Variants in SUSD4 observed in about 807,000 individuals in gnomAD.
SUSD4 encodes the protein sushi domain containing 4.
In SUSD4, 41 loss-of-function variants were observed where a neutral mutation model predicts 50.5. That is an observed-to-expected ratio of 0.81 (90% CI 0.63 to 1.05). The LOEUF is 1.05. Among genes scored for constraint, SUSD4 ranks in the 50% least tolerant of loss-of-function variants. The probability of loss-of-function intolerance (pLI) is 0.00; values close to 1 mark genes in which losing one functional copy is unlikely to be tolerated. For missense variants in SUSD4, 580 were observed against 634.7 expected, an observed-to-expected ratio of 0.91 and a Z score of 0.93; for synonymous variants, 257 against 257.3, an observed-to-expected ratio of 1.00 and a Z score of 0.01.
At chr1:223,349,805 C>T (rs538153574) in intron 2 of SUSD4, among the ~76,000 whole-genome samples, 2 of 152,342 alleles carry the variant, frequency 1.3e-5, no homozygotes, top group South Asian at 4.1e-4. Flanking sequence ...GGATTCCTTA[C>T]AGCACCTTTT....
At chr1:223,225,417 G>A (rs1015731091) in intron 7 of SUSD4, among the ~76,000 whole-genome samples, 73 of 152,180 alleles carry the variant, frequency 4.8e-4, no homozygotes, top group African/African-American at 1.3e-3. Flanking sequence ...GATTATGGTG[G>A]TGGACTCCTT....
In SUSD4 at chr1:223,252,236, A is replaced by AAATATATAT. The variant is rs1343732568; in HGVS notation, c.724+12393_724+12394insATATATATT. On this transcript the variant is annotated intron_variant, in intron 5 of 8. Coordinates refer to ENST00000366878, the MANE Select transcript of SUSD4 (RefSeq NM_017982.4). ...AGTATAATTAAAAAAAAAAAAAAAA[A>AAATATATAT]ATATATATATATATATATAAAAGAA... Among the ~76,000 whole-genome samples, 4 of 89,712 alleles carry AAATATATAT rather than the reference A, an allele frequency of 4.5e-5. No individual in the cohort carries two copies. In the East Asian group the frequency reaches 8.3e-4, roughly 19 times the overall value. 58.9% of individuals were successfully genotyped at this position (89,712 alleles called of 152,430 possible). A position where few individuals can be genotyped will look rare whatever the true frequency, so the allele number is the denominator to read the frequency against.
chr1:223,279,968 T>C (rs189871670), intron 3 of SUSD4, among the ~76,000 whole-genome samples: 3 of 152,226 alleles, frequency 2.0e-5, no homozygotes, highest in Admixed American at 1.3e-4. Context: ...AACCCGGAAT[T>C]TCATATCCAG....
At chr1:223,226,821 G>A (rs993689025) in intron 7 of SUSD4, among the ~76,000 whole-genome samples, 4 of 152,192 alleles carry the variant, frequency 2.6e-5, no homozygotes, top group African/African-American at 9.7e-5. Context: ...GTGTTCTGTG[G>A]TGTTTTGCTG....
intron 1 of SUSD4, 183 bp downstream of exon 1, chr1:223,363,874 T>C (rs1386927194): frequency 6.5e-6 from 1 of 154,354 alleles, no homozygotes; most frequent in African/African-American, 2.4e-5. Context: ...CCCAGCTACT[T>C]CTCTGGTTTT....
At chr1:223,317,180 G>A (rs1418769042) in intron 2 of SUSD4, among the ~76,000 whole-genome samples, 1 of 152,144 alleles carries the variant, frequency 6.6e-6, no homozygotes, top group Non-Finnish European at 1.5e-5. Flanking sequence ...TGGCAGTAAA[G>A]AAGCCAGCTA....
chr1:223,327,397 G>A (rs542600539), intron 2 of SUSD4, among the ~76,000 whole-genome samples: 2 of 152,302 alleles, frequency 1.3e-5, no homozygotes, highest in African/African-American at 2.4e-5. Flanking sequence ...ACATGACTCA[G>A]CTGATGGGTA....
Position 223,354,009 on chromosome 1 carries a change from C to G in SUSD4, c.148+9269G>C, listed in dbSNP as rs1041208469. Among the ~76,000 whole-genome samples the G allele has an allele frequency of 5.4e-5, 8 of 148,902 alleles. No individual in the cohort carries two copies. The East Asian group carries it at 1.2e-3, about 22-fold the overall frequency. On this transcript the variant is annotated intron_variant, in intron 2 of 8. Transcript: ENST00000366878. ...TCGTGGCACTGCACTCCAGCCTGGG[C>G]AACAAGAGTGAAACGTTGTCTCAAG... is the stretch of plus-strand genomic sequence containing the variant.
rs562891239 is a variant in SUSD4, at chr1:223,309,762, A to G, written c.149-17111T>C. ...AAAGGCATTTCTGAGGACAAGATGC[A>G]TTCCACCAGAAGACTAGTCTTTTTT... On this transcript the variant is annotated intron_variant, in intron 2 of 8. Transcript: ENST00000366878. 3.9e-5 allele frequency among the ~76,000 whole-genome samples: 6 copies of G among 152,332 alleles called. No individual in the cohort carries two copies. The South Asian group carries it at 6.2e-4, about 16-fold the overall frequency.
chr1:223,276,237 C>A (rs929510126), intron 3 of SUSD4, among the ~76,000 whole-genome samples: 1 of 152,216 alleles, frequency 6.6e-6, no homozygotes, highest in Non-Finnish European at 1.5e-5. Flanking sequence ...AGTCACTGTG[C>A]GACCTTTATA....
At chr1:223,300,857 G>T (rs1021309270) in intron 2 of SUSD4, among the ~76,000 whole-genome samples, 2 of 152,136 alleles carry the variant, frequency 1.3e-5, no homozygotes, top group Non-Finnish European at 2.9e-5. Context: ...AGCCATTTTA[G>T]AGGTCATCTA....
intron 2 of SUSD4, among the ~76,000 whole-genome samples, chr1:223,315,329 C>G (rs1666118416): frequency 6.6e-6 from 1 of 152,232 alleles, no homozygotes; most frequent in East Asian, 1.9e-4. Flanking sequence ...TTCTGGAGGT[C>G]AGAAGATACC....
rs1183346948 is a variant in SUSD4, at chr1:223,235,923, G to C, written c.725-6535C>G. ...ATCATGTAAGAATACATTTAGTTTT[G>C]TAAGAAGCCATCAAACTGTCTTCCA... On this transcript the variant is annotated intron_variant, in intron 5 of 8. Transcript: ENST00000366878. Among the ~76,000 whole-genome samples the C allele has an allele frequency of 2.0e-5, 3 of 152,184 alleles. No individual in the cohort carries two copies. In the East Asian group the frequency reaches 5.9e-4, roughly 30 times the overall value.
chr1:223,339,822 G>A (rs967107537), intron 2 of SUSD4, among the ~76,000 whole-genome samples: 2 of 152,142 alleles, frequency 1.3e-5, no homozygotes, highest in African/African-American at 2.4e-5. Context: ...GCTGGGCCCC[G>A]GCTCCCCCAG....
chr1:223,244,434 C>T (rs1381800070), intron 5 of SUSD4, among the ~76,000 whole-genome samples: 1 of 152,126 alleles, frequency 6.6e-6, no homozygotes, highest in Non-Finnish European at 1.5e-5. Context: ...AGAGGTGAGA[C>T]TTCAAGGGGC....
At chr1:223,329,271 G>A (rs986204142) in intron 2 of SUSD4, among the ~76,000 whole-genome samples, 3 of 152,132 alleles carry the variant, frequency 2.0e-5, no homozygotes, top group African/African-American at 2.4e-5. Context: ...ATTATCAATG[G>A]CCTTCATTTC....
intron 5 of SUSD4, among the ~76,000 whole-genome samples, chr1:223,237,684 C>A (rs1660316320): frequency 6.6e-6 from 1 of 151,926 alleles, no homozygotes; most frequent in African/African-American, 2.4e-5. Context: ...CCTGGCATAT[C>A]TGGGATAAAT....
rs1659567128 is a variant in SUSD4 at position 223,227,091 on chromosome 1, C to T, written c.1061+503G>A. ...TTCAGATAAGACTTCATGGTAGACT[C>T]TCACTAGCCCTTTCCTGATTGCTCC... On this transcript the variant is annotated intron_variant, in intron 7 of 8. Transcript: ENST00000366878. The surrounding 1 kb of genome is among the most constrained non-coding windows in gnomAD (Gnocchi z 4.5). Among the ~76,000 whole-genome samples the T allele has an allele frequency of 6.6e-6, 1 of 152,188 alleles. No homozygotes were observed. Among genetic ancestry groups the T allele is most frequent in the Non-Finnish European group, 1.5e-5 (1 of 68,034 alleles).
At chr1:223,256,919 G>C (rs1333945857) in intron 5 of SUSD4, among the ~76,000 whole-genome samples, 1 of 152,180 alleles carries the variant, frequency 6.6e-6, no homozygotes, top group African/African-American at 2.4e-5. Context: ...AGGAGCACCG[G>C]AGCTGTCTGA....
Sources: gnomAD v4.1 joint callset for allele counts (sites outside exome capture counted in the v4.1 genomes callset) on GRCh38, gnomAD v4.1.1 for gene constraint, Gnocchi (gnomAD v3.1) non-coding constraint, MANE v1.5 for transcripts, NCBI Gene and HGNC (gene_info 2026-07-23, HGNC 2026-07-21) for gene names.